KIF26B: variants seen among roughly 807,000 people sequenced by gnomAD.
The protein encoded by KIF26B is kinesin-like protein KIF26B.
In KIF26B, 63 loss-of-function variants were observed where a neutral mutation model predicts 151.2. The observed-to-expected ratio is 0.42, with a 90% confidence interval of 0.34 to 0.51. KIF26B has a LOEUF of 0.51. Among genes scored for constraint, KIF26B ranks in the 20% least tolerant of loss-of-function variants. The pLI is 0.07. For synonymous variants in KIF26B, 1,357 were observed against 1,262.1 expected, an observed-to-expected ratio of 1.08 and a Z score of -1.59; for missense variants, 2,813 against 2,913.6, an observed-to-expected ratio of 0.97 and a Z score of 0.79.
At chr1:245,689,399 T>A (rs1036482119) in intron 12 of KIF26B, among the ~76,000 whole-genome samples, 2 of 152,154 alleles carry the variant, frequency 1.3e-5, no homozygotes, top group African/African-American at 2.4e-5. Context: ...ACGCACAGAT[T>A]GTCCCATTGA....
intron 2 of KIF26B, among the ~76,000 whole-genome samples, chr1:245,257,975 T>C (rs1183903301): frequency 1.3e-5 from 2 of 151,848 alleles, no homozygotes; most frequent in African/African-American, 4.8e-5. Flanking sequence ...TGAGCTGAGA[T>C]CATGCCACTG....
At chr1:245,392,497 A>AT (rs1673724264) in intron 3 of KIF26B, among the ~76,000 whole-genome samples, 1 of 152,128 alleles carries the variant, frequency 6.6e-6, no homozygotes, top group African/African-American at 2.4e-5. Flanking sequence ...TTTTGGCTTG[A>AT]TATTAGAGTT....
intron 2 of KIF26B, among the ~76,000 whole-genome samples, chr1:245,277,353 T>C (rs548909537): frequency 1.3e-5 from 2 of 152,350 alleles, no homozygotes; most frequent in Admixed American, 1.3e-4. Context: ...CTTCACTCTC[T>C]GTGAGCCCAC....
chr1:245,385,596 G>A (rs772752357), intron 3 of KIF26B, among the ~76,000 whole-genome samples: 2 of 152,202 alleles, frequency 1.3e-5, no homozygotes, highest in Non-Finnish European at 2.9e-5. Context: ...AACCTGGGGC[G>A]GCGTGGAGCT....
At chr1:245,253,984 G>A (rs987981818) in intron 2 of KIF26B, among the ~76,000 whole-genome samples, 6 of 151,352 alleles carry the variant, frequency 4.0e-5, no homozygotes, top group Admixed American at 2.0e-4. Context: ...TGATTTTTTT[G>A]TATTTTTAGT....
rs1309410599 is a variant in KIF26B at position 245,687,840 on chromosome 1, C to A, written c.4857C>A (p.Ser1619Arg). 14 of 1,593,944 alleles carry A rather than the reference C, an allele frequency of 8.8e-6. No individual in the cohort carries two copies. Among genetic ancestry groups the A allele is most frequent in the East Asian group, 2.3e-5 (1 of 43,638 alleles). ...KNRASPQHSA[S>R]GSGTSSPLNQ... Reference sequence around the variant, plus strand: ...GGGCCAGCCCTCAGCACAGTGCCAGCGGCAGCGGCACCAGCAGCCCCCTGA... The same window carrying A: ...GGGCCAGCCCTCAGCACAGTGCCAGAGGCAGCGGCACCAGCAGCCCCCTGA... The change falls in exon 12 of 15, where the codon AGC (serine) becomes AGA (arginine). Residue 1619 changes from serine (S) to arginine (R), a missense_variant. Transcript: ENST00000407071. The surrounding 1 kb of genome is among the most constrained non-coding windows in gnomAD (Gnocchi z 4.9).
chr1:245,180,782 C>A (rs916809440), intron 2 of KIF26B, among the ~76,000 whole-genome samples: 1 of 152,104 alleles, frequency 6.6e-6, no homozygotes, highest in East Asian at 1.9e-4. Context: ...TACACTTGTT[C>A]GTGACCACAG....
chr1:245,456,842 A>G (rs1349815377), intron 4 of KIF26B, among the ~76,000 whole-genome samples: 1 of 152,110 alleles, frequency 6.6e-6, no homozygotes, highest in Admixed American at 6.5e-5. Flanking sequence ...ATGCTTTTTC[A>G]TTTTTTATTT....
chr1:245,405,528 C>A (rs571300152), intron 3 of KIF26B, among the ~76,000 whole-genome samples: 123 of 152,156 alleles, frequency 8.1e-4, no homozygotes, highest in Non-Finnish European at 1.3e-3. Context: ...TTGGGTAGAA[C>A]TGAGCCCCTG....
rs1442223408 is a variant in KIF26B at position 245,560,885 on chromosome 1, C to T, written c.1350+19935C>T. ...AGAAAAGATTCTGGATTTGGGCGGT[C>T]TCACCTCCAAAATTGCAGCCCCTAA... On this transcript the variant is annotated intron_variant, in intron 5 of 14. Coordinates refer to ENST00000407071, the MANE Select transcript of KIF26B (RefSeq NM_018012.4). This position sits in a 1 kb window ranked among gnomAD's most constrained non-coding sequence, Gnocchi z 4.3. Among the ~76,000 whole-genome samples, 1 of 152,196 alleles carries T rather than the reference C, an allele frequency of 6.6e-6. No individual in the cohort carries two copies. Among genetic ancestry groups the T allele is most frequent in the Non-Finnish European group, 1.5e-5 (1 of 68,040 alleles).
intron 4 of KIF26B, among the ~76,000 whole-genome samples, chr1:245,490,981 G>A (rs1173245762): frequency 2.0e-5 from 3 of 152,120 alleles, no homozygotes; most frequent in African/African-American, 4.8e-5. Context: ...TAATAGTAGC[G>A]AATAAGTCAG....
chr1:245,370,692 A>G (rs756852637), intron 3 of KIF26B: 2 of 449,088 alleles, frequency 4.5e-6, no homozygotes, highest in South Asian at 1.6e-5. Context: ...TAAAATATTC[A>G]AAGTGAGGTG....
intron 2 of KIF26B, among the ~76,000 whole-genome samples, chr1:245,169,332 T>TGTGTGTGTGC (rs1668667647): frequency 6.8e-6 from 1 of 148,038 alleles, no homozygotes; most frequent in African/African-American, 2.6e-5. Flanking sequence ...GGCCATGGTG[T>TGTGTGTGTGC]GTGTGTGTGT....
chr1:245,195,108 C>T (rs974867205), intron 2 of KIF26B, among the ~76,000 whole-genome samples: 1 of 152,154 alleles, frequency 6.6e-6, no homozygotes, highest in African/African-American at 2.4e-5. Context: ...GGAGGGATTC[C>T]TTTACACACA....
rs1439125094 is a variant in KIF26B, at chr1:245,688,522, C to T, written c.5539C>T (p.Leu1847Phe). 3.9e-6 allele frequency: 6 copies of T among 1,523,878 alleles called. No individual in the cohort carries two copies. Among genetic ancestry groups the T allele is most frequent in the Admixed American group, 2.0e-5 (1 of 50,014 alleles). 94.4% of individuals were successfully genotyped at this position (1,523,878 alleles called of 1,614,324 possible). Residue 1847 changes from leucine to phenylalanine, a missense_variant, in exon 12 of 15, where the codon CTC becomes TTC. By Grantham distance (22) the Leu-to-Phe change is conservative (BLOSUM62 0). Coordinates refer to ENST00000407071, the MANE Select transcript of KIF26B (RefSeq NM_018012.4). ...GGACGAGCCCGCGGCCGCGCACCTGCTCCCGTCGCCCTACAGCAAGATCAC... is the reference window on the plus strand; with the variant it reads ...GGACGAGCCCGCGGCCGCGCACCTGTTCCCGTCGCCCTACAGCAAGATCAC... The part of the protein sequence containing the change: ...AEDEPAAAHL[L>F]PSPYSKITPP...
rs1255533687 is a variant in KIF26B, at chr1:245,512,530, A to G, written c.1167-28237A>G. ...CAAAGTGTTCCTAACAACTTTATTA[A>G]TTGGGGTTTAACATCATCAAGGGCT... On this transcript the variant is annotated intron_variant, in intron 4 of 14. Coordinates refer to ENST00000407071, the MANE Select transcript of KIF26B (RefSeq NM_018012.4). This position sits in a 1 kb window ranked among gnomAD's most constrained non-coding sequence, Gnocchi z 4.3. Among the ~76,000 whole-genome samples the G allele has an allele frequency of 6.6e-6, 1 of 152,204 alleles. No homozygotes were observed. The highest frequency in any genetic ancestry group is 2.4e-5 in the African/African-American group (1 of 41,448).
At chr1:245,588,155 C>A (rs1243264026) in intron 5 of KIF26B, among the ~76,000 whole-genome samples, 1 of 152,150 alleles carries the variant, frequency 6.6e-6, no homozygotes, top group Non-Finnish European at 1.5e-5. Context: ...TTTGGTGAGG[C>A]TTTTTGTTTA....
chr1:245,172,136 A>G (rs1668721880), intron 2 of KIF26B, among the ~76,000 whole-genome samples: 1 of 152,074 alleles, frequency 6.6e-6, no homozygotes, highest in African/African-American at 2.4e-5. Flanking sequence ...TTCACCGTAC[A>G]TTCGTGTGTC....
At chr1:245,417,289 A>C (rs1271982000) in intron 3 of KIF26B, among the ~76,000 whole-genome samples, 1 of 126,476 alleles carries the variant, frequency 7.9e-6, no homozygotes, top group Admixed American at 7.8e-5. Flanking sequence ...TTTTTTAATT[A>C]GAAGGGGAAG....
Sources: gnomAD v4.1 joint callset for allele counts (sites outside exome capture counted in the v4.1 genomes callset) on GRCh38, gnomAD v4.1.1 for gene constraint, Gnocchi (gnomAD v3.1) non-coding constraint, MANE v1.5 for transcripts, NCBI Gene and HGNC (gene_info 2026-07-23, HGNC 2026-07-21) for gene names.